The following CPLX2 variants were observed in gnomAD, a reference collection of about 807,000 sequenced individuals.
CPLX2 encodes complexin 2.
In CPLX2, 5 loss-of-function variants were observed where a neutral mutation model predicts 16.3. That is an observed-to-expected ratio of 0.31 (90% CI 0.16 to 0.64). The LOEUF (loss-of-function observed/expected upper bound fraction) is 0.64, where lower values mean the gene tolerates loss of function less well. CPLX2 is among the 30% of genes least tolerant of loss of function. The pLI, the probability that CPLX2 is intolerant of heterozygous loss-of-function variation, is 0.79. For missense variants in CPLX2, 144 were observed against 181.4 expected (o/e 0.79, Z 1.18); for synonymous variants, 89 against 73.2 (o/e 1.22, Z -1.10).
chr5:175,827,967 G>T (rs952746456), intron 2 of CPLX2, among the ~76,000 whole-genome samples: 1 of 152,108 alleles, frequency 6.6e-6, no homozygotes, highest in African/African-American at 2.4e-5. Context: ...TCTATTTTAG[G>T]TATAACTCCT....
At chr5:175,858,739 C>T (rs547578791) in intron 2 of CPLX2, among the ~76,000 whole-genome samples, 2 of 152,350 alleles carry the variant, frequency 1.3e-5, no homozygotes, top group East Asian at 3.9e-4. Context: ...AAAAAGCCTC[C>T]ACCTTCAGCT....
chr5:175,810,307 CG>C (rs1312950178), intron 2 of CPLX2, among the ~76,000 whole-genome samples: 7 of 151,902 alleles, frequency 4.6e-5, no homozygotes, highest in Non-Finnish European at 7.4e-5. Context: ...CACAGAGAGT[CG>C]GGGACAGAGC....
chr5:175,864,236 G>C (rs1158713151), intron 2 of CPLX2, among the ~76,000 whole-genome samples: 2 of 152,224 alleles, frequency 1.3e-5, no homozygotes, highest in African/African-American at 2.4e-5. Flanking sequence ...ATGGGAAGGG[G>C]CAGAGAATTA....
At chr5:175,801,217 G>A (rs1325876373) in intron 1 of CPLX2, among the ~76,000 whole-genome samples, 1 of 151,858 alleles carries the variant, frequency 6.6e-6, no homozygotes, top group Non-Finnish European at 1.5e-5. Flanking sequence ...TGTGGAGAGT[G>A]GATGATATGG....
At chr5:175,842,612 G>C (rs928167987) in intron 2 of CPLX2, among the ~76,000 whole-genome samples, 12 of 152,206 alleles carry the variant, frequency 7.9e-5, no homozygotes, top group African/African-American at 2.9e-4. Context: ...GGACGGCCAT[G>C]GGGCCTGCAC....
chr5:175,878,365 G>T, intron 1 of CPLX2: 1 of 273,172 alleles, frequency 3.7e-6, no homozygotes, highest in Non-Finnish European at 6.9e-6. Flanking sequence ...CAAGTTCCAG[G>T]CTCTTTCCAA....
intron 2 of CPLX2, among the ~76,000 whole-genome samples, chr5:175,838,589 A>G (rs528941899): frequency 3.6e-4 from 55 of 152,104 alleles, no homozygotes; most frequent in Admixed American, 2.0e-3. Context: ...ATACTTCCCC[A>G]GGGGTTTCTG....
At chr5:175,879,541 C>T (rs1370264366) in intron 3 of CPLX2, among the ~76,000 whole-genome samples, 9 of 152,220 alleles carry the variant, frequency 5.9e-5, no homozygotes, top group Admixed American at 5.9e-4. Flanking sequence ...AAGTCAGATT[C>T]GTCACCAAAA....
intron 1 of CPLX2, among the ~76,000 whole-genome samples, chr5:175,808,505 A>C (rs1273359364): frequency 6.6e-6 from 1 of 152,116 alleles, no homozygotes; most frequent in Non-Finnish European, 1.5e-5. Flanking sequence ...GTCTTATTTA[A>C]CAACAGCAAT....
intron 2 of CPLX2, among the ~76,000 whole-genome samples, chr5:175,855,465 G>A (rs1254755034): frequency 6.6e-6 from 1 of 152,188 alleles, no homozygotes; most frequent in Non-Finnish European, 1.5e-5. Context: ...ATGGTTTAAG[G>A]CCAAAGGAGT....
chr5:175,873,748 G>A (rs1441467467), intron 1 of CPLX2, among the ~76,000 whole-genome samples: 1 of 152,206 alleles, frequency 6.6e-6, no homozygotes, highest in Non-Finnish European at 1.5e-5. Flanking sequence ...ACACTGGGCT[G>A]AGCACTTTAT....
upstream of CPLX2, among the ~76,000 whole-genome samples, chr5:175,869,625 A>C (rs1267857162): frequency 6.6e-6 from 1 of 152,188 alleles, no homozygotes; most frequent in African/African-American, 2.4e-5. Context: ...GGGAATTATA[A>C]ATTAAGCAGG....
At chr5:175,856,308 G>A (rs1364786820) in intron 2 of CPLX2, among the ~76,000 whole-genome samples, 2 of 152,190 alleles carry the variant, frequency 1.3e-5, no homozygotes, top group Admixed American at 1.3e-4. Flanking sequence ...ATTCAGCTGA[G>A]ACTTCTGTAC....
chr5:175,838,521 G>GAT (rs1758885378), intron 2 of CPLX2, among the ~76,000 whole-genome samples: 1 of 152,068 alleles, frequency 6.6e-6, no homozygotes, highest in Non-Finnish European at 1.5e-5. Context: ...AACCGCCTCG[G>GAT]CCTCCCAAAA....
intron 2 of CPLX2, among the ~76,000 whole-genome samples, chr5:175,838,320 T>A (rs1388757472): frequency 7.0e-6 from 1 of 143,034 alleles, no homozygotes. Flanking sequence ...CAGGCTGGAG[T>A]GCAGTGGCAC....
intron 1 of CPLX2, among the ~76,000 whole-genome samples, chr5:175,801,168 A>AAAAAAC (rs1554117464): frequency 6.6e-6 from 1 of 151,416 alleles, no homozygotes. Flanking sequence ...TGTTAAAAAA[A>AAAAAAC]AAAAAAAACT....
chr5:175,836,947 T>A (rs4868537), intron 2 of CPLX2, among the ~76,000 whole-genome samples: 56,667 of 152,136 alleles, frequency 0.37, 10,884 homozygotes, highest in African/African-American at 0.46. Context: ...CTGTGTTCAG[T>A]TCAGAGCTGC....
intron 2 of CPLX2, among the ~76,000 whole-genome samples, chr5:175,861,356 C>T (rs1581096925): frequency 6.6e-6 from 1 of 152,262 alleles, no homozygotes; most frequent in East Asian, 1.9e-4. Flanking sequence ...GTGTGGAGGG[C>T]TCTGCAGCAG....
At chr5:175,811,103 G>A (rs1246108700) in intron 2 of CPLX2, among the ~76,000 whole-genome samples, 1 of 152,202 alleles carries the variant, frequency 6.6e-6, no homozygotes, top group Non-Finnish European at 1.5e-5. Context: ...TATGTAAGGT[G>A]GATGGCACAT....
Sources: gnomAD v4.1 joint callset for allele counts (sites outside exome capture counted in the v4.1 genomes callset) on GRCh38, gnomAD v4.1.1 for gene constraint, MANE v1.5 for transcripts, NCBI Gene and HGNC (gene_info 2026-07-23, HGNC 2026-07-21) for gene names.